NEGR1: variants seen among roughly 807,000 people sequenced by gnomAD.
NEGR1 encodes neuronal growth regulator 1, also known as IgLON family member 4.
NEGR1 carries 10 observed loss-of-function variants against 40.9 expected under a neutral mutation model. The observed-to-expected ratio is 0.24, with a 90% CI of 0.15 to 0.42. The LOEUF (loss-of-function observed/expected upper bound fraction) is 0.42, where lower values mean the gene tolerates loss of function less well. Ranked by LOEUF, NEGR1 falls within the 10% of genes least tolerant of loss-of-function variation. NEGR1 has a pLI of 1.00. For missense variants in NEGR1, 352 were observed against 438.9 expected (o/e 0.80, Z 1.77); for synonymous variants, 185 against 166.8 (o/e 1.11, Z -0.84).
At chr1:71,953,608 T>C (rs2768384) in intron 1 of NEGR1, among the ~76,000 whole-genome samples, 5,549 of 152,068 alleles carry the variant, frequency 0.036, 338 homozygotes, top group African/African-American at 0.13. Flanking sequence ...TCAAAAAGTA[T>C]TGGATGGAAT....
chr1:72,228,068 T>C (rs1032499157), intron 1 of NEGR1, among the ~76,000 whole-genome samples: 3 of 152,118 alleles, frequency 2.0e-5, no homozygotes, highest in Non-Finnish European at 4.4e-5. Context: ...AGAGAGATCT[T>C]TAAATACAGG....
At chr1:71,418,959 T>G (rs1646375054) in intron 6 of NEGR1, among the ~76,000 whole-genome samples, 1 of 152,244 alleles carries the variant, frequency 6.6e-6, no homozygotes, top group Non-Finnish European at 1.5e-5. Context: ...TTTTGTATTT[T>G]GCCTTACATC....
chr1:72,123,983 T>C (rs1311752939), intron 1 of NEGR1, among the ~76,000 whole-genome samples: 2 of 152,068 alleles, frequency 1.3e-5, no homozygotes, highest in Non-Finnish European at 2.9e-5. Flanking sequence ...TTTAGAGTTA[T>C]GTATAAATCA....
intron 6 of NEGR1, among the ~76,000 whole-genome samples, chr1:71,556,631 A>G (rs889202595): frequency 3.6e-5 from 4 of 111,222 alleles, no homozygotes; most frequent in African/African-American, 1.9e-4. Context: ...TTTTGTAATT[A>G]CACACACACA....
chr1:71,809,385 C>T (rs1381135906), intron 2 of NEGR1, among the ~76,000 whole-genome samples: 2 of 152,134 alleles, frequency 1.3e-5, no homozygotes, highest in Admixed American at 6.6e-5. Flanking sequence ...TAAGTGCCAC[C>T]CACATGGTGA....
At chr1:72,229,311 A>G (rs1015798929) in intron 1 of NEGR1, among the ~76,000 whole-genome samples, 2 of 149,974 alleles carry the variant, frequency 1.3e-5, no homozygotes, top group Admixed American at 1.3e-4. Flanking sequence ...TTACACACAG[A>G]TAAGTACAAA....
intron 2 of NEGR1, among the ~76,000 whole-genome samples, chr1:71,802,907 A>G (rs1252021711): frequency 6.6e-6 from 1 of 151,340 alleles, no homozygotes; most frequent in Non-Finnish European, 1.5e-5. Flanking sequence ...TTCTATTTAG[A>G]TGATATTTAG....
intron 4 of NEGR1, 126 bp downstream of exon 4, chr1:71,697,882 G>A: frequency 2.5e-6 from 2 of 805,080 alleles, no homozygotes; most frequent in Non-Finnish European, 3.9e-6. Flanking sequence ...CACGTCTTCA[G>A]TGTTAGTAGG....
At chr1:72,039,281 C>T (rs1646931309) in intron 1 of NEGR1, among the ~76,000 whole-genome samples, 3 of 151,820 alleles carry the variant, frequency 2.0e-5, no homozygotes, top group Admixed American at 2.0e-4. Flanking sequence ...CACTGGGAAG[C>T]CATTGAAATT....
At chr1:71,868,511 C>T (rs1660187905) in intron 2 of NEGR1, among the ~76,000 whole-genome samples, 1 of 141,044 alleles carries the variant, frequency 7.1e-6, no homozygotes, top group Admixed American at 7.0e-5. Flanking sequence ...TACATACATA[C>T]ATACATGGAT....
chr1:71,423,455 A>T (rs180941812), intron 6 of NEGR1, among the ~76,000 whole-genome samples: 1 of 152,314 alleles, frequency 6.6e-6, no homozygotes, highest in East Asian at 1.9e-4. Context: ...AACATGGAAA[A>T]AAAACTTACA....
chr1:72,066,391 A>G (rs1247339653), intron 1 of NEGR1, among the ~76,000 whole-genome samples: 1 of 152,160 alleles, frequency 6.6e-6, no homozygotes, highest in Non-Finnish European at 1.5e-5. Context: ...TTAGTCTCCT[A>G]CTTCTAGAGG....
chr1:71,713,069 T>C (rs1038235728), intron 3 of NEGR1, among the ~76,000 whole-genome samples: 1 of 152,258 alleles, frequency 6.6e-6, no homozygotes, highest in African/African-American at 2.4e-5. Context: ...ACAGCCAGTA[T>C]ATTATAAAAT....
At chr1:71,452,673 A>G (rs1205414311) in intron 6 of NEGR1, among the ~76,000 whole-genome samples, 3 of 152,148 alleles carry the variant, frequency 2.0e-5, no homozygotes, top group Non-Finnish European at 2.9e-5. Flanking sequence ...TTTTGCTAAC[A>G]TTTCCAAATA....
intron 6 of NEGR1, among the ~76,000 whole-genome samples, chr1:71,469,059 G>A (rs1217215957): frequency 6.6e-6 from 1 of 151,980 alleles, no homozygotes; most frequent in Admixed American, 6.6e-5. Flanking sequence ...TGTTCAAAGT[G>A]CTATAGTTAT....
intron 6 of NEGR1, among the ~76,000 whole-genome samples, chr1:71,568,673 C>T (rs1648701338): frequency 6.6e-6 from 1 of 151,816 alleles, no homozygotes; most frequent in Admixed American, 6.6e-5. Flanking sequence ...CATCTATATA[C>T]ATATATTGTT....
chr1:72,191,278 A>G (rs562689119), intron 1 of NEGR1, among the ~76,000 whole-genome samples: 3 of 151,724 alleles, frequency 2.0e-5, no homozygotes, highest in Non-Finnish European at 2.9e-5. Flanking sequence ...CTTTCTCCCT[A>G]AAGTTTTAGG....
intron 6 of NEGR1, among the ~76,000 whole-genome samples, chr1:71,499,401 CT>C (rs1279238324): frequency 6.7e-6 from 1 of 149,316 alleles, no homozygotes; most frequent in African/African-American, 2.4e-5. Flanking sequence ...TCCTCTTTTC[CT>C]TGCACATAGT....
Position 71,835,953 on chromosome 1 carries a change from T to G in NEGR1, c.410-59656A>C, listed in dbSNP as rs530936073. Among the ~76,000 whole-genome samples the G allele has an allele frequency of 6.0e-4, 91 of 152,176 alleles. 1 individual carries two copies. In the South Asian group the frequency reaches 0.018, roughly 31 times the overall value. On this transcript the variant is annotated intron_variant, in intron 2 of 6. Transcript: ENST00000357731. Reference sequence around the variant, plus strand: ...GTGTGCACATATGTGTCTTTTATATTTAAGTAATTAATTTGTTTCAGTGAG... The same window carrying G: ...GTGTGCACATATGTGTCTTTTATATGTAAGTAATTAATTTGTTTCAGTGAG...
Sources: allele counts gnomAD v4.1 joint callset (sites outside exome capture counted in the v4.1 genomes callset), GRCh38; gene constraint gnomAD v4.1.1; transcripts MANE v1.5; gene names NCBI Gene and HGNC (gene_info 2026-07-23, HGNC 2026-07-21).